The following SAMD8 variants were observed in gnomAD, a reference collection of about 807,000 sequenced individuals.
SAMD8 encodes sterile alpha motif domain containing 8.
Under a neutral mutation model 42.0 loss-of-function variants are expected in SAMD8, and 20 were observed. The ratio of observed to expected loss-of-function variants is 0.48; its 90% confidence interval spans 0.34 to 0.69. The LOEUF (loss-of-function observed/expected upper bound fraction) is 0.69. Ranked by LOEUF, SAMD8 falls within the 30% of genes least tolerant of loss-of-function variation. The pLI is 0.01. For synonymous variants in SAMD8, 162 were observed against 173.0 expected (o/e 0.94, Z 0.50); for missense variants, 328 against 511.6 (o/e 0.64, Z 3.46).
chr10:75,115,899 C>A (rs1306843929), intron 1 of SAMD8, among the ~76,000 whole-genome samples: 1 of 149,342 alleles, frequency 6.7e-6, no homozygotes, highest in Non-Finnish European at 1.5e-5. Context: ...GGAGATCACA[C>A]CACTGCACTC....
intron 2 of SAMD8, among the ~76,000 whole-genome samples, chr10:75,160,962 G>C (rs1840543684): frequency 6.6e-6 from 1 of 152,122 alleles, no homozygotes; most frequent in African/African-American, 2.4e-5. Flanking sequence ...CGGGTATTGG[G>C]GAGTCTGAGG....
chr10:75,157,005 T>A (rs1840425819), intron 2 of SAMD8, among the ~76,000 whole-genome samples: 1 of 152,002 alleles, frequency 6.6e-6, no homozygotes, highest in African/African-American at 2.4e-5. Context: ...AGGGGAGAAG[T>A]GTCATAATGT....
At chr10:75,145,281 T>G (rs536530372) in intron 1 of SAMD8, among the ~76,000 whole-genome samples, 26 of 152,340 alleles carry the variant, frequency 1.7e-4, no homozygotes, top group Non-Finnish European at 3.2e-4. Flanking sequence ...TTTGGACAAA[T>G]GTAATACACA....
chr10:75,173,034 G>A (rs756178773), intron 4 of SAMD8, among the ~76,000 whole-genome samples: 2 of 152,074 alleles, frequency 1.3e-5, no homozygotes, highest in Non-Finnish European at 1.5e-5. Context: ...CTGAGGAGAG[G>A]GATATCCGTG....
At chr10:75,175,444 T>C (rs1840969600) in intron 4 of SAMD8, among the ~76,000 whole-genome samples, 1 of 152,180 alleles carries the variant, frequency 6.6e-6, no homozygotes, top group Non-Finnish European at 1.5e-5. Flanking sequence ...AACTTGGAGA[T>C]GTTTTTGTAT....
intron 3 of SAMD8, among the ~76,000 whole-genome samples, chr10:75,167,195 TTTAAG>T (rs1414841174): frequency 2.6e-5 from 4 of 152,198 alleles, no homozygotes; most frequent in Admixed American, 1.3e-4. Context: ...ATAGCTTAAG[TTTAAG>T]TTAAGAGAAG....
At chr10:75,171,235 C>T (rs1241795614) in intron 4 of SAMD8, among the ~76,000 whole-genome samples, 1 of 122,378 alleles carries the variant, frequency 8.2e-6, no homozygotes, top group Non-Finnish European at 1.6e-5. Context: ...GGCACAATCT[C>T]GGCTCACTGC....
chr10:75,130,846 A>G (rs1439884066), intron 1 of SAMD8, among the ~76,000 whole-genome samples: 2 of 152,218 alleles, frequency 1.3e-5, no homozygotes, highest in Admixed American at 1.3e-4. Context: ...TAAAATGAAG[A>G]TAATAGTAAT....
chr10:75,104,222 G>A, intron 1 of SAMD8: 1 of 532,560 alleles, frequency 1.9e-6, no homozygotes, highest in Non-Finnish European at 3.0e-6. Flanking sequence ...TGTGCATAAG[G>A]TCAAGTGAGT....
chr10:75,112,995 G>A (rs1477422921), intron 1 of SAMD8, among the ~76,000 whole-genome samples: 1 of 152,152 alleles, frequency 6.6e-6, no homozygotes, highest in African/African-American at 2.4e-5. Flanking sequence ...AATTGGAGAG[G>A]TACCTTTGAC....
At chr10:75,107,852 C>T (rs1234104667), upstream of SAMD8, 8 of 1,085,508 alleles carry the variant, frequency 7.4e-6, 1 homozygote, top group Admixed American at 2.1e-4. Flanking sequence ...GCTAGGATTA[C>T]AAGCATGAGC....
intron 2 of SAMD8, among the ~76,000 whole-genome samples, chr10:75,151,859 T>C (rs749995579): frequency 1.1e-4 from 16 of 152,102 alleles, no homozygotes; most frequent in Non-Finnish European, 2.2e-4. Flanking sequence ...GCTACTTTTT[T>C]TGTATTTTTA....
intron 1 of SAMD8, among the ~76,000 whole-genome samples, chr10:75,149,567 T>C (rs1024738646): frequency 1.3e-5 from 2 of 152,232 alleles, no homozygotes; most frequent in Non-Finnish European, 2.9e-5. Flanking sequence ...ATATCTGTTA[T>C]AGAAATCATT....
intron 1 of SAMD8, among the ~76,000 whole-genome samples, chr10:75,141,988 GAGAA>G (rs1453653763): frequency 6.7e-6 from 1 of 149,870 alleles, no homozygotes; most frequent in East Asian, 2.0e-4. Flanking sequence ...TTTTGTTTTT[GAGAA>G]AGAGTCTCAC....
intron 1 of SAMD8, among the ~76,000 whole-genome samples, chr10:75,139,406 C>A (rs1035657482): frequency 1.3e-5 from 2 of 152,044 alleles, no homozygotes; most frequent in Non-Finnish European, 2.9e-5. Context: ...TAAAGCAATG[C>A]AATGCCATTT....
At chr10:75,119,642 G>A (rs1289663772) in intron 1 of SAMD8, among the ~76,000 whole-genome samples, 6 of 152,304 alleles carry the variant, frequency 3.9e-5, no homozygotes, top group South Asian at 4.1e-4. Context: ...GTGCGCACAC[G>A]TGAGAAGTGA....
intron 1 of SAMD8, among the ~76,000 whole-genome samples, chr10:75,143,704 T>C (rs1349458958): frequency 6.6e-6 from 1 of 152,188 alleles, no homozygotes; most frequent in Non-Finnish European, 1.5e-5. Flanking sequence ...TGTCACTGTT[T>C]TTAAGTAATT....
chr10:75,103,837 T>C (rs764872730), intron 1 of SAMD8: 1 of 1,230,032 alleles, frequency 8.1e-7, no homozygotes, highest in Non-Finnish European at 1.1e-6. Context: ...CCCAGGGAAC[T>C]TGGGGTCCCT....
At chr10:75,101,145 T>C (rs549499168) in intron 1 of SAMD8, among the ~76,000 whole-genome samples, 332 of 152,190 alleles carry the variant, frequency 2.2e-3, no homozygotes, top group African/African-American at 7.8e-3. Context: ...CAGCTGTGGG[T>C]CTCTGTGCTC....
Sources: allele counts gnomAD v4.1 joint callset (sites outside exome capture counted in the v4.1 genomes callset), GRCh38; gene constraint gnomAD v4.1.1; transcripts MANE v1.5; gene names NCBI Gene and HGNC (gene_info 2026-07-23, HGNC 2026-07-21).